SUCLA2: variants seen among roughly 807,000 people sequenced by gnomAD.
SUCLA2 encodes succinate--CoA ligase [ADP-forming] subunit beta, mitochondrial.
In SUCLA2, 30 loss-of-function variants were observed where a neutral mutation model predicts 54.8. The observed-to-expected ratio is 0.55, with a 90% CI of 0.41 to 0.74. The LOEUF (loss-of-function observed/expected upper bound fraction) is 0.74, where lower values mean the gene tolerates loss of function less well. SUCLA2 is among the 30% of genes least tolerant of loss of function. SUCLA2 has a pLI of 0.00. For synonymous variants in SUCLA2, 172 were observed against 188.9 expected (o/e 0.91, Z 0.74); for missense variants, 476 against 562.9 (o/e 0.85, Z 1.56).
intron 4 of SUCLA2, among the ~76,000 whole-genome samples, chr13:47,981,436 T>C (rs1460826854): frequency 6.6e-6 from 1 of 152,184 alleles, no homozygotes; most frequent in African/African-American, 2.4e-5. Flanking sequence ...CCCTTTAGGA[T>C]GGCCACTACC....
Position 47,988,607 on chromosome 13 carries a change from C to T in SUCLA2, c.468G>A (p.Leu156=), listed in dbSNP as rs1950124119. 2 of 1,613,724 alleles carry T rather than the reference C, an allele frequency of 1.2e-6. No individual in the cohort carries two copies. Among genetic ancestry groups the T allele is most frequent in the South Asian group, 2.2e-5 (2 of 91,084 alleles). The change falls in exon 4 of 11, where the codon TTG becomes TTA. Residue 156 remains leucine, a synonymous_variant. Transcript: ENST00000646932. ...TCCTGGGATATTTTCGCTCACAGAC[C>T]AATACTTGATTGCATATTCTGCCCT... ...GEKGRICNQV[L]VCERKYPRRE...
intron 2 of SUCLA2, among the ~76,000 whole-genome samples, chr13:47,989,382 T>A (rs376799174): frequency 1.3e-5 from 2 of 151,974 alleles, no homozygotes; most frequent in South Asian, 4.1e-4. Context: ...GGCTAATTTT[T>A]TTGTATTTTT....
In SUCLA2 at chr13:47,943,782, T is replaced by TATATATATATA. The variant is rs879679737; in HGVS notation, c.1318-338_1318-337insTATATATATAT. ...TGTGTGTGTGTATATATATATATATTATTCTAAATTTTATCTTAAAGACAG... is the reference window on the plus strand; with the variant it reads ...TGTGTGTGTGTATATATATATATATTATATATATATAATTCTAAATTTTATCTTAAAGACAG... On this transcript the variant is annotated intron_variant, in intron 10 of 10. Transcript: ENST00000646932. Among the ~76,000 whole-genome samples, 927 of 118,612 alleles carry TATATATATATA rather than the reference T, an allele frequency of 7.8e-3. 4 individuals carry two copies. The highest frequency in any genetic ancestry group is 0.015 in the African/African-American group (397 of 26,270). 77.8% of individuals were successfully genotyped at this position (118,612 alleles called of 152,430 possible). A position where few individuals can be genotyped will look rare whatever the true frequency, so the allele number is the denominator to read the frequency against.
At chr13:47,977,916 T>C (rs1045717557) in intron 4 of SUCLA2, among the ~76,000 whole-genome samples, 4 of 152,144 alleles carry the variant, frequency 2.6e-5, no homozygotes, top group African/African-American at 7.2e-5. Flanking sequence ...CCATTCACAA[T>C]TGCTACAAAG....
At chr13:47,957,676 CTG>C (rs1949832502) in intron 6 of SUCLA2, among the ~76,000 whole-genome samples, 1 of 152,172 alleles carries the variant, frequency 6.6e-6, no homozygotes, top group African/African-American at 2.4e-5. Flanking sequence ...GCCCAAATGA[CTG>C]AGAGAGGGAA....
At chr13:47,949,368 T>C in intron 9 of SUCLA2, 115 bp downstream of exon 9, 1 of 1,233,844 alleles carries the variant, frequency 8.1e-7, no homozygotes. Flanking sequence ...TTTCATATTG[T>C]ATAATGCTTT....
chr13:47,971,743 C>T (rs1482662326), intron 5 of SUCLA2: 1 of 394,626 alleles, frequency 2.5e-6, no homozygotes. Context: ...AGACAGTGTC[C>T]CATCCATTCT....
At chr13:48,001,065 G>C in intron 1 of SUCLA2, 115 bp downstream of exon 1, 2 of 1,523,608 alleles carry the variant, frequency 1.3e-6, no homozygotes, top group Non-Finnish European at 1.8e-6. Context: ...GCCTTGCAGG[G>C]CACCCAGAAA....
At chr13:47,967,909 A>C (rs1408451282) in intron 6 of SUCLA2, among the ~76,000 whole-genome samples, 2 of 152,078 alleles carry the variant, frequency 1.3e-5, no homozygotes, top group Non-Finnish European at 2.9e-5. Flanking sequence ...ATATTTCCCC[A>C]AAAATCAAAT....
intron 6 of SUCLA2, among the ~76,000 whole-genome samples, chr13:47,957,709 A>C (rs1374327932): frequency 6.6e-6 from 1 of 152,208 alleles, no homozygotes; most frequent in Non-Finnish European, 1.5e-5. Context: ...TGTTTCAGTA[A>C]GAACATTCTT....
chr13:47,960,392 A>T (rs1949860303), intron 6 of SUCLA2, among the ~76,000 whole-genome samples: 1 of 152,186 alleles, frequency 6.6e-6, no homozygotes, highest in African/African-American at 2.4e-5. Flanking sequence ...CTAAAGAACT[A>T]CAAGAGCTTT....
At chr13:47,948,008 T>C (rs1949746559) in intron 10 of SUCLA2, among the ~76,000 whole-genome samples, 1 of 152,202 alleles carries the variant, frequency 6.6e-6, no homozygotes, top group Non-Finnish European at 1.5e-5. Flanking sequence ...CTCAGAAATT[T>C]CAACAGACTG....
At chr13:47,994,575 A>G (rs866871369) in intron 2 of SUCLA2, among the ~76,000 whole-genome samples, 3 of 151,702 alleles carry the variant, frequency 2.0e-5, no homozygotes, top group African/African-American at 7.3e-5. Flanking sequence ...CTCAAAAAAA[A>G]AAAAAAAAAA....
At chr13:47,955,350 C>T (rs1949811942) in intron 6 of SUCLA2, among the ~76,000 whole-genome samples, 1 of 152,078 alleles carries the variant, frequency 6.6e-6, no homozygotes, top group African/African-American at 2.4e-5. Context: ...TACAGGCATG[C>T]ACCACAACAC....
chr13:47,974,563 G>A (rs1346379021), intron 4 of SUCLA2, among the ~76,000 whole-genome samples: 4 of 152,004 alleles, frequency 2.6e-5, no homozygotes, highest in Admixed American at 2.6e-4. Flanking sequence ...CTCCAGCATG[G>A]GGACAGAGAA....
chr13:47,964,686 T>A (rs1949902947), intron 6 of SUCLA2, among the ~76,000 whole-genome samples: 1 of 151,824 alleles, frequency 6.6e-6, no homozygotes, highest in South Asian at 2.1e-4. Context: ...TGAAACCCCG[T>A]CTCTACTAAA....
chr13:47,991,338 G>A (rs1413550720), intron 2 of SUCLA2, among the ~76,000 whole-genome samples: 1 of 152,154 alleles, frequency 6.6e-6, no homozygotes, highest in Non-Finnish European at 1.5e-5. Context: ...TCCTGGGCAT[G>A]TTCCTGCCTT....
chr13:47,961,906 T>C (rs948008586), intron 6 of SUCLA2, among the ~76,000 whole-genome samples: 1 of 152,198 alleles, frequency 6.6e-6, no homozygotes, highest in South Asian at 2.1e-4. Flanking sequence ...CTTGCTTCTT[T>C]GGAGGAGTTC....
intron 6 of SUCLA2, among the ~76,000 whole-genome samples, chr13:47,960,165 T>C (rs1373775723): frequency 6.6e-6 from 1 of 152,192 alleles, no homozygotes; most frequent in Non-Finnish European, 1.5e-5. Context: ...TTGCTTCTAA[T>C]TTTCATTTGT....
Sources: gnomAD v4.1 joint callset for allele counts (sites outside exome capture counted in the v4.1 genomes callset) on GRCh38, gnomAD v4.1.1 for gene constraint, MANE v1.5 for transcripts, NCBI Gene and HGNC (gene_info 2026-07-23, HGNC 2026-07-21) for gene names.